Variants in LOC400499 observed in about 807,000 individuals in gnomAD.
the LOC400499 span, among the ~76,000 whole-genome samples, chr16:11,527,125 C>G: frequency 6.6e-6 from 1 of 152,242 alleles, no homozygotes; most frequent in African/African-American, 2.4e-5. Flanking sequence ...CAGTCACTGC[C>G]ATCAGCGGCC....
chr16:11,444,877 C>T, the LOC400499 span, among the ~76,000 whole-genome samples: 9,133 of 151,880 alleles, frequency 0.06, 349 homozygotes, highest in East Asian at 0.14. Context: ...AGTCCAGGAG[C>T]TCAAGACCAG....
At chr16:11,385,612 G>C in the LOC400499 span, among the ~76,000 whole-genome samples, 1 of 152,224 alleles carries the variant, frequency 6.6e-6, no homozygotes, top group South Asian at 2.1e-4. Context: ...ATGAGCTGAA[G>C]GTCTACTGGC....
chr16:11,409,032 G>A, the LOC400499 span, among the ~76,000 whole-genome samples: 2 of 152,016 alleles, frequency 1.3e-5, no homozygotes, highest in East Asian at 3.9e-4. Context: ...AGGCTGAGGT[G>A]GGCAGATCAT....
the LOC400499 span, among the ~76,000 whole-genome samples, chr16:11,455,556 G>A: frequency 6.6e-6 from 1 of 151,812 alleles, no homozygotes; most frequent in African/African-American, 2.4e-5. Context: ...CCAACAGAGT[G>A]AAACCCCGTC....
At chr16:11,443,953 G>A in the LOC400499 span, among the ~76,000 whole-genome samples, 1 of 151,906 alleles carries the variant, frequency 6.6e-6, no homozygotes, top group Non-Finnish European at 1.5e-5. Flanking sequence ...TTGTGCCTAA[G>A]CCTCCGGGGT....
chr16:11,467,993 G>A, the LOC400499 span, among the ~76,000 whole-genome samples: 3 of 152,084 alleles, frequency 2.0e-5, no homozygotes, highest in African/African-American at 7.2e-5. Context: ...GGAAGACAGA[G>A]ACAGAAGACC....
At chr16:11,486,979 G>A in the LOC400499 span, among the ~76,000 whole-genome samples, 5 of 151,096 alleles carry the variant, frequency 3.3e-5, no homozygotes, top group Non-Finnish European at 1.5e-5. Flanking sequence ...GTGGGTGGAT[G>A]GACGAGATGA....
chr16:11,391,289 C>A, the LOC400499 span, among the ~76,000 whole-genome samples: 1 of 152,194 alleles, frequency 6.6e-6, no homozygotes, highest in African/African-American at 2.4e-5. Context: ...AGGTGTGAGC[C>A]TTTAATGACC....
At chr16:11,452,766 T>C in the LOC400499 span, among the ~76,000 whole-genome samples, 1 of 152,240 alleles carries the variant, frequency 6.6e-6, no homozygotes, top group Non-Finnish European at 1.5e-5. Flanking sequence ...TCTGGGGACA[T>C]TCCTGCCAGT....
At chr16:11,461,373 C>A in the LOC400499 span, among the ~76,000 whole-genome samples, 10 of 152,088 alleles carry the variant, frequency 6.6e-5, no homozygotes, top group Middle Eastern at 6.8e-3. Context: ...ACGTGTGCCA[C>A]CACACTTGGC....
the LOC400499 span, among the ~76,000 whole-genome samples, chr16:11,432,331 T>C: frequency 1.3e-5 from 2 of 152,226 alleles, no homozygotes; most frequent in Non-Finnish European, 2.9e-5. Flanking sequence ...TTGGAGTAGC[T>C]TGTTATGCAG....
chr16:11,378,098 T>C, the LOC400499 span, among the ~76,000 whole-genome samples: 35 of 152,174 alleles, frequency 2.3e-4, no homozygotes, highest in African/African-American at 8.2e-4. Context: ...GTTAGGTTGT[T>C]GGTTTGAGAG....
the LOC400499 span, among the ~76,000 whole-genome samples, chr16:11,501,734 A>C: frequency 1.3e-5 from 2 of 151,702 alleles, no homozygotes; most frequent in Non-Finnish European, 2.9e-5. Flanking sequence ...CAGACTCTCC[A>C]CGCCCCCAGC....
the LOC400499 span, among the ~76,000 whole-genome samples, chr16:11,490,039 A>G: frequency 6.6e-5 from 10 of 152,290 alleles, no homozygotes; most frequent in Admixed American, 2.0e-4. Context: ...CCACACAGCC[A>G]CAGATCAGAG....
chr16:11,462,053 C>T, the LOC400499 span: 1 of 1,364,986 alleles, frequency 7.3e-7, no homozygotes, highest in Non-Finnish European at 9.5e-7. Flanking sequence ...TAAGGAGGCA[C>T]TTGGGCCACC....
chr16:11,500,107 C>T, the LOC400499 span, among the ~76,000 whole-genome samples: 1 of 152,194 alleles, frequency 6.6e-6, no homozygotes. Flanking sequence ...GCTCTGATTT[C>T]AAGTGCTCAG....
the LOC400499 span, among the ~76,000 whole-genome samples, chr16:11,473,682 G>C: frequency 1.3e-5 from 2 of 151,494 alleles, no homozygotes; most frequent in African/African-American, 4.9e-5. Flanking sequence ...TTGAACCCAG[G>C]AGACAGAGGT....
the LOC400499 span, among the ~76,000 whole-genome samples, chr16:11,447,564 C>G: frequency 6.6e-6 from 1 of 152,318 alleles, no homozygotes; most frequent in South Asian, 2.1e-4. Flanking sequence ...TAAGGCCATA[C>G]AGCTGCTCAA....
chr16:11,442,727 A>G, the LOC400499 span, among the ~76,000 whole-genome samples: 2 of 152,208 alleles, frequency 1.3e-5, no homozygotes, highest in African/African-American at 4.8e-5. Context: ...TCCTTAAAAA[A>G]TTTAAATGCT....
Sources: gnomAD v4.1 joint callset for allele counts (sites outside exome capture counted in the v4.1 genomes callset) on GRCh38, gnomAD v4.1.1 for gene constraint, MANE v1.5 for transcripts.